The following SOX5 variants were observed in gnomAD, a reference collection of about 807,000 sequenced individuals.
SOX5 encodes the protein SRY-box transcription factor 5.
A neutral mutation model predicts 92.0 loss-of-function variants in SOX5; 9 were observed. The ratio of observed to expected loss-of-function variants is 0.10; its 90% CI spans 0.06 to 0.17. The LOEUF (loss-of-function observed/expected upper bound fraction) is 0.17, where lower values mean the gene tolerates loss of function less well. Among genes scored for constraint, SOX5 ranks in the 10% least tolerant of loss-of-function variants. SOX5 has a pLI of 1.00. For missense variants in SOX5, 642 were observed against 944.5 expected (o/e 0.68, Z 4.20); for synonymous variants, 344 against 336.3 (o/e 1.02, Z -0.25).
intron 1 of SOX5, among the ~76,000 whole-genome samples, chr12:24,371,911 C>G (rs139017683): frequency 6.6e-6 from 1 of 151,920 alleles, no homozygotes; most frequent in South Asian, 2.1e-4. Context: ...TGGCTTGAAC[C>G]CAGGAAGTGG....
intron 2 of SOX5, among the ~76,000 whole-genome samples, chr12:24,324,795 G>GATGTGCAC (rs1555230195): frequency 3.9e-4 from 60 of 152,076 alleles, no homozygotes; most frequent in Middle Eastern, 6.8e-3. Context: ...AAGTTTCAAC[G>GATGTGCAC]AATTAATACA....
intron 9 of SOX5, among the ~76,000 whole-genome samples, chr12:23,579,509 T>C (rs966136680): frequency 4.6e-5 from 7 of 152,138 alleles, no homozygotes; most frequent in Admixed American, 3.9e-4. Context: ...ATGCCTATTA[T>C]TTATGAAGAA....
At position 23,579,495 on chromosome 12, in the gene SOX5, C is replaced by T. The variant is rs192538369; in HGVS notation, c.1165-3657G>A. ...AATAATTTACTACTGAGCTGCTATA[C>T]CAAATGCCTATTATTTATGAAGAAT... On this transcript the variant is annotated intron_variant, in intron 9 of 14. Coordinates refer to ENST00000451604, the MANE Select transcript of SOX5 (RefSeq NM_006940.6). Among the ~76,000 whole-genome samples, 472 of 152,138 alleles carry T rather than the reference C, an allele frequency of 3.1e-3. 1 individual carries two copies. Among genetic ancestry groups the T allele is most frequent in the African/African-American group, 0.011 (458 of 41,502 alleles).
At chr12:24,272,315 T>C (rs1053105304) in intron 3 of SOX5, among the ~76,000 whole-genome samples, 1 of 152,178 alleles carries the variant, frequency 6.6e-6, no homozygotes, top group East Asian at 1.9e-4. Flanking sequence ...TCATATCGTG[T>C]GCCAATAACG....
At chr12:24,374,941 G>C (rs1363363385) in intron 1 of SOX5, among the ~76,000 whole-genome samples, 1 of 152,142 alleles carries the variant, frequency 6.6e-6, no homozygotes, top group Non-Finnish European at 1.5e-5. Context: ...TGTGGGTGCA[G>C]GGTTGGCACC....
At chr12:24,429,603 AACACACATACACAC>A (rs953451106) in intron 1 of SOX5, among the ~76,000 whole-genome samples, 11 of 150,626 alleles carry the variant, frequency 7.3e-5, no homozygotes, top group African/African-American at 1.7e-4. Flanking sequence ...TTTTCCTGGA[AACACACATACACAC>A]ACACACATAC....
intron 11 of SOX5, 38 bp from the exon 12 acceptor site, chr12:23,546,462 T>G (rs1565697773): frequency 1.7e-6 from 2 of 1,171,224 alleles, no homozygotes; most frequent in Non-Finnish European, 2.5e-6. Flanking sequence ...GTCTAGGAAT[T>G]AAAATTATTT....
chr12:24,521,118 A>G (rs1409600586), intron 1 of SOX5, among the ~76,000 whole-genome samples: 1 of 152,146 alleles, frequency 6.6e-6, no homozygotes, highest in East Asian at 1.9e-4. Flanking sequence ...GCAATGGTGC[A>G]ATCTTGGCTC....
intron 1 of SOX5, among the ~76,000 whole-genome samples, chr12:23,900,123 G>A (rs2097216076): frequency 6.6e-6 from 1 of 152,072 alleles, no homozygotes; most frequent in African/African-American, 2.4e-5. Context: ...TAAATTTAGG[G>A]TTCAAGCTTA....
intron 1 of SOX5, among the ~76,000 whole-genome samples, chr12:24,436,206 A>G (rs1456522344): frequency 1.3e-5 from 2 of 152,224 alleles, no homozygotes; most frequent in African/African-American, 4.8e-5. Context: ...ATCAAGACCT[A>G]GCAACGATTC....
At chr12:23,568,220 G>C (rs967820476) in intron 10 of SOX5, among the ~76,000 whole-genome samples, 3 of 152,130 alleles carry the variant, frequency 2.0e-5, no homozygotes, top group Non-Finnish European at 4.4e-5. Flanking sequence ...TTGGAGTTAT[G>C]CATCTATGAG....
intron 9 of SOX5, 55 bp downstream of exon 9, chr12:23,604,332 C>T: frequency 3.8e-6 from 6 of 1,577,454 alleles, no homozygotes; most frequent in Non-Finnish European, 5.2e-6. Context: ...TAATAAATAC[C>T]ATTGAATGAA....
At chr12:24,282,024 T>G (rs549764860) in intron 2 of SOX5, among the ~76,000 whole-genome samples, 1 of 152,282 alleles carries the variant, frequency 6.6e-6, no homozygotes, top group East Asian at 1.9e-4. Context: ...GTAAGAATAT[T>G]CAATTTCAGA....
intron 3 of SOX5, among the ~76,000 whole-genome samples, chr12:23,799,104 C>T (rs2095616949): frequency 6.6e-6 from 1 of 151,962 alleles, no homozygotes; most frequent in Non-Finnish European, 1.5e-5. Context: ...CTCTCCTCTT[C>T]CCCACACACA....
chr12:24,280,859 A>G (rs1392844370), intron 2 of SOX5, among the ~76,000 whole-genome samples: 1 of 152,006 alleles, frequency 6.6e-6, no homozygotes, highest in Non-Finnish European at 1.5e-5. Context: ...ATACATTGGT[A>G]ACTTTTTTAA....
At chr12:24,388,660 T>C (rs1958668590) in intron 1 of SOX5, among the ~76,000 whole-genome samples, 1 of 152,200 alleles carries the variant, frequency 6.6e-6, no homozygotes, top group South Asian at 2.1e-4. Context: ...TACAATTCAA[T>C]GACTTTTAAT....
At chr12:24,387,000 T>A (rs1266486094) in intron 1 of SOX5, among the ~76,000 whole-genome samples, 4 of 152,192 alleles carry the variant, frequency 2.6e-5, no homozygotes, top group African/African-American at 7.2e-5. Context: ...ATTGTCCACA[T>A]TTGTAAATGA....
At chr12:23,610,278 CAAT>C (rs554048246) in intron 8 of SOX5, among the ~76,000 whole-genome samples, 217 of 152,194 alleles carry the variant, frequency 1.4e-3, no homozygotes, top group African/African-American at 5.1e-3. Flanking sequence ...TGCCACTTTT[CAAT>C]AATAGGTTAC....
intron 2 of SOX5, among the ~76,000 whole-genome samples, chr12:24,284,580 G>A (rs968525700): frequency 1.3e-5 from 2 of 152,140 alleles, no homozygotes. Flanking sequence ...TGAACCTTCT[G>A]CTATTTGAGT....
Sources: gnomAD v4.1 joint callset for allele counts (sites outside exome capture counted in the v4.1 genomes callset) on GRCh38, gnomAD v4.1.1 for gene constraint, MANE v1.5 for transcripts, NCBI Gene and HGNC (gene_info 2026-07-23, HGNC 2026-07-21) for gene names.